The following JMJD1C variants were observed in gnomAD, a reference collection of about 807,000 sequenced individuals.
JMJD1C encodes jumonji domain-containing protein 1C.
Under a neutral mutation model 245.3 loss-of-function variants are expected in JMJD1C, and 31 were observed. The observed-to-expected ratio is 0.13, with a 90% CI of 0.09 to 0.17. The LOEUF is 0.17. Among genes scored for constraint, JMJD1C ranks in the 10% least tolerant of loss-of-function variants. The pLI is 1.00. For synonymous variants in JMJD1C, 1,057 were observed against 1,017.4 expected (o/e 1.04, Z -0.74); for missense variants, 2,691 against 3,000.2 (o/e 0.90, Z 2.41).
intron 2 of JMJD1C, among the ~76,000 whole-genome samples, chr10:63,355,381 CAT>C (rs1564825673): frequency 2.6e-5 from 4 of 152,292 alleles, no homozygotes; most frequent in Admixed American, 6.5e-5. Context: ...CATTTGTGTG[CAT>C]ATGTGTGCGC....
chr10:63,331,641 C>G (rs1942162369), intron 2 of JMJD1C, among the ~76,000 whole-genome samples: 1 of 152,160 alleles, frequency 6.6e-6, no homozygotes, highest in Admixed American at 6.5e-5. Context: ...TTGAGCCAGT[C>G]TCGCTCTGTT....
intron 2 of JMJD1C, among the ~76,000 whole-genome samples, chr10:63,337,594 AAAAG>A (rs1452364706): frequency 0.026 from 2,981 of 115,122 alleles, 276 homozygotes; most frequent in African/African-American, 0.11. Context: ...AAAAGAAAAG[AAAAG>A]AAAAGAAAAG....
chr10:63,260,501 T>C (rs1294715412), intron 3 of JMJD1C, among the ~76,000 whole-genome samples: 1 of 152,124 alleles, frequency 6.6e-6, no homozygotes, highest in Non-Finnish European at 1.5e-5. Context: ...AAAACTGTTA[T>C]CAAAATTTAA....
At chr10:63,440,503 C>A (rs1042364825) in intron 1 of JMJD1C, among the ~76,000 whole-genome samples, 1 of 150,842 alleles carries the variant, frequency 6.6e-6, no homozygotes, top group Non-Finnish European at 1.5e-5. Flanking sequence ...CTTTATAATA[C>A]CTCAAATGAT....
chr10:63,518,862 C>T (rs570232823), intron 1 of JMJD1C, among the ~76,000 whole-genome samples: 3 of 152,308 alleles, frequency 2.0e-5, no homozygotes, highest in African/African-American at 7.2e-5. Flanking sequence ...CTGGACCCAC[C>T]GCCTTAAACA....
chr10:63,208,716 G>C lies in JMJD1C; in HGVS notation c.2953C>G (p.Gln985Glu), dbSNP rs1846960389. 6.2e-7 allele frequency: 1 copy of C among 1,613,754 alleles called. No individual in the cohort carries two copies. Among genetic ancestry groups the C allele is most frequent in the Non-Finnish European group, 8.5e-7 (1 of 1,179,704 alleles). The change falls in exon 10 of 26, where the codon CAG becomes GAG. Residue 985 changes from glutamine to glutamate, a missense_variant. Gln to Glu is a conservative substitution (Grantham distance 29, BLOSUM62 2). Transcript: ENST00000399262. ...TGTAAGTGACAATCTTTTCCAGTCT[G>C]TGACCTATTTAGATCCAGGTCATTT... ...AKNDLDLNRS[Q>E]TGKDCHLHRH...
At position 63,185,629 on chromosome 10, in the gene JMJD1C, T is replaced by C; in HGVS notation, c.6764A>G (p.Glu2255Gly). Residue 2255 changes from glutamate to glycine, a missense_variant, in exon 20 of 26, where the codon GAA (glutamate) becomes GGA (glycine). By Grantham distance (98) the Glu-to-Gly change is moderately conservative. Coordinates refer to ENST00000399262, the MANE Select transcript of JMJD1C (RefSeq NM_032776.3). ...GTCTTTCAATTTTAAAACAACTGTT[T>C]CTCCACTCTTGTTTTTCTGCCGTTC... The part of the protein sequence containing the change: ...VSKRQKNKSG[E>G]TVVLKLKDWP... The C allele has an allele frequency of 6.2e-7, 1 of 1,602,660 alleles. No homozygotes were observed.
In JMJD1C at chr10:63,345,224, C is replaced by T. The variant is rs115470397; in HGVS notation, c.333+35094G>A. Among the ~76,000 whole-genome samples, 874 of 152,222 alleles carry T rather than the reference C, an allele frequency of 5.7e-3. 8 individuals carry two copies. Among genetic ancestry groups the T allele is most frequent in the African/African-American group, 0.02 (831 of 41,532 alleles). ...CAAACTGGCTGGGTGCAGTGGCTAA[C>T]GCCTGTAATCCCAATACTTTGTGAG... On this transcript the variant is annotated intron_variant, in intron 2 of 25. Transcript: ENST00000399262.
In JMJD1C at chr10:63,207,535, G is replaced by A. The variant is rs1846785842; in HGVS notation, c.4134C>T (p.Gly1378=). The change falls in exon 10 of 26, where the codon GGC becomes GGT. Residue 1378 remains glycine, a synonymous_variant. Coordinates refer to ENST00000399262, the MANE Select transcript of JMJD1C (RefSeq NM_032776.3). ...SEKNFQAVSQ[G]SVPSSVMSAV... is the part of the protein sequence containing the mutation. ...CAGACATGACTGAACTGGGAACACTGCCCTGTGAGACAGCCTGAAAGTTTT... is the reference window on the plus strand; with the variant it reads ...CAGACATGACTGAACTGGGAACACTACCCTGTGAGACAGCCTGAAAGTTTT... The A allele has an allele frequency of 6.2e-7, 1 of 1,614,022 alleles. No individual in the cohort carries two copies. Among genetic ancestry groups the A allele is most frequent in the Non-Finnish European group, 8.5e-7 (1 of 1,180,014 alleles).
At position 63,427,518 on chromosome 10, in the gene JMJD1C, TC is replaced by T. The variant is rs1950512442; in HGVS notation, c.168+37976del. The T allele has an allele frequency of 3.7e-6, 5 of 1,347,248 alleles. No individual in the cohort carries two copies. The South Asian group carries it at 5.9e-5, about 16-fold the overall frequency. The allele number at this position is 1,347,248 out of a possible 1,614,324, so 83.5% of individuals were successfully genotyped here. On this transcript the variant is annotated intron_variant, in intron 1 of 25. Coordinates refer to ENST00000399262, the MANE Select transcript of JMJD1C (RefSeq NM_032776.3). The stretch of plus-strand genomic sequence containing the variant: ...CCAAGCAACTGTTTCCTGCCAATGT[TC>T]TTCATTCAGTGTACATCCTGGAGGA...
chr10:63,308,751 C>CAAAAAAAAA (rs377153800), intron 2 of JMJD1C, among the ~76,000 whole-genome samples: 1 of 49,852 alleles, frequency 2.0e-5, no homozygotes, highest in African/African-American at 7.0e-5. Context: ...CATTTGAGAA[C>CAAAAAAAAA]AAAAAAAAAA....
At chr10:63,198,434 A>T (rs1416588910) in intron 12 of JMJD1C, 79 bp downstream of exon 12, 3 of 858,484 alleles carry the variant, frequency 3.5e-6, no homozygotes, top group Non-Finnish European at 5.5e-6. Flanking sequence ...AAGATTAGGG[A>T]CTTCTTTCAC....
intron 8 of JMJD1C, among the ~76,000 whole-genome samples, chr10:63,210,705 GAAT>G (rs1480719189): frequency 6.6e-6 from 1 of 152,154 alleles, no homozygotes; most frequent in African/African-American, 2.4e-5. Context: ...TGAAGGGTCA[GAAT>G]AAACATGTGA....
intron 1 of JMJD1C, among the ~76,000 whole-genome samples, chr10:63,443,633 G>A (rs779740790): frequency 2.6e-5 from 4 of 152,130 alleles, no homozygotes; most frequent in Non-Finnish European, 4.4e-5. Flanking sequence ...TTTTATAGAG[G>A]TCTGGTTACA....
chr10:63,422,746 T>C (rs1166975265), intron 1 of JMJD1C, among the ~76,000 whole-genome samples: 3 of 152,224 alleles, frequency 2.0e-5, no homozygotes, highest in Admixed American at 6.5e-5. Context: ...GTTTAAATCA[T>C]GGGCACAGAA....
chr10:63,464,307 TAC>T (rs1953022537), intron 1 of JMJD1C, among the ~76,000 whole-genome samples: 1 of 152,154 alleles, frequency 6.6e-6, no homozygotes, highest in Non-Finnish European at 1.5e-5. Context: ...TATCATTGAC[TAC>T]AGTGAGGAAA....
intron 1 of JMJD1C, among the ~76,000 whole-genome samples, chr10:63,406,587 T>C (rs1241316086): frequency 1.5e-5 from 2 of 135,394 alleles, no homozygotes; most frequent in Non-Finnish European, 3.3e-5. Flanking sequence ...TATCAATAAA[T>C]TTCTTCTTTT....
chr10:63,285,115 C>G (rs1024699442), intron 2 of JMJD1C, among the ~76,000 whole-genome samples: 1 of 152,180 alleles, frequency 6.6e-6, no homozygotes, highest in Non-Finnish European at 1.5e-5. Flanking sequence ...TGTGACCAAA[C>G]TGGGCCTACA....
chr10:63,249,738 T>C (rs899490877), intron 3 of JMJD1C, among the ~76,000 whole-genome samples: 1 of 151,928 alleles, frequency 6.6e-6, no homozygotes, highest in South Asian at 2.1e-4. Flanking sequence ...CGTGCGCCTG[T>C]AGTCCCAACT....
Sources: gnomAD v4.1 joint callset for allele counts (sites outside exome capture counted in the v4.1 genomes callset) on GRCh38, gnomAD v4.1.1 for gene constraint, MANE v1.5 for transcripts, NCBI Gene and HGNC (gene_info 2026-07-23, HGNC 2026-07-21) for gene names.